The following RBBP8 variants were observed in gnomAD, a reference collection of about 807,000 sequenced individuals.
RBBP8 encodes DNA endonuclease RBBP8.
Under a neutral mutation model 108.3 loss-of-function variants are expected in RBBP8, and 88 were observed. The ratio of observed to expected loss-of-function variants is 0.81; its 90% CI spans 0.68 to 0.97. RBBP8 has a LOEUF of 0.97. RBBP8 is among the 50% of genes least tolerant of loss of function. The pLI, the probability that RBBP8 is intolerant of heterozygous loss-of-function variation, is 0.00. For missense variants in RBBP8, 1,023 were observed against 1,049.0 expected, an observed-to-expected ratio of 0.98 and a Z score of 0.34; for synonymous variants, 332 against 348.2, an observed-to-expected ratio of 0.95 and a Z score of 0.52.
chr18:23,022,217 C>G lies in RBBP8; in HGVS notation c.2543C>G (p.Pro848Arg). 6.2e-7 allele frequency: 1 copy of G among 1,612,688 alleles called. No individual in the cohort carries two copies. The highest frequency in any genetic ancestry group is 8.5e-7 in the Non-Finnish European group (1 of 1,178,728). Reference protein sequence around the residue: ...HRFRYIPPNTPENFWEVGFPS... With the variant: ...HRFRYIPPNTRENFWEVGFPS... ...TTCCGCTACATTCCACCCAACACAC[C>G]AGAGAATTTTTGGGAAGTTGGTTTT... Residue 848 changes from proline to arginine, a missense_variant, in exon 18 of 19, where the codon CCA becomes CGA. Coordinates refer to ENST00000327155, the MANE Select transcript of RBBP8 (RefSeq NM_002894.3).
chr18:22,930,572 C>T (rs1457980097), upstream of RBBP8, among the ~76,000 whole-genome samples: 1 of 152,000 alleles, frequency 6.6e-6, no homozygotes, highest in South Asian at 2.1e-4. Context: ...TGAGGATGCC[C>T]GCCATTTCCA....
chr18:22,949,791 A>G, intron 4 of RBBP8, 78 bp downstream of exon 4: 1 of 1,123,396 alleles, frequency 8.9e-7, no homozygotes, highest in Non-Finnish European at 1.4e-6. Context: ...ATTTGTAATT[A>G]GTTTTGGGAT....
At chr18:22,923,856 T>C (rs1202464741) in intron 3 of RBBP8, among the ~76,000 whole-genome samples, 1 of 152,212 alleles carries the variant, frequency 6.6e-6, no homozygotes, top group Non-Finnish European at 1.5e-5. Flanking sequence ...ATAACCATTG[T>C]TCTAATTCTA....
At position 22,927,902 on chromosome 18, in the gene RBBP8, T is replaced by TA. The variant is rs1189776313; in HGVS notation, c.-153-1469dup. Among the ~76,000 whole-genome samples the TA allele has an allele frequency of 7.4e-4, 83 of 112,802 alleles. 1 individual carries two copies. Among genetic ancestry groups the TA allele is most frequent in the Middle Eastern group, 6.3e-3 (1 of 158 alleles). The allele number at this position is 112,802 out of a possible 152,430, so 74.0% of individuals were successfully genotyped here. ...AGAGTGAGACTCTGTCTCAAAAAATTAAAAAAAAAAAAGCAGGAAAACAGG... is the reference window on the plus strand; with the variant it reads ...AGAGTGAGACTCTGTCTCAAAAAATTAAAAAAAAAAAAAGCAGGAAAACAGG... On this transcript the variant is annotated intron_variant, in intron 3 of 4. Coordinates refer to the RBBP8 transcript ENST00000577588.
chr18:22,962,192 A>T (rs1913162513), intron 4 of RBBP8, among the ~76,000 whole-genome samples: 1 of 151,864 alleles, frequency 6.6e-6, no homozygotes, highest in African/African-American at 2.4e-5. Context: ...AACTTTTCAG[A>T]TATTTAGACA....
chr18:22,928,757 C>T (rs1909887507), upstream of RBBP8, among the ~76,000 whole-genome samples: 1 of 151,978 alleles, frequency 6.6e-6, no homozygotes, highest in East Asian at 1.9e-4. Context: ...ACAACCTCCG[C>T]CTCCTGGGTT....
rs768053058 is a variant in RBBP8, at chr18:22,992,850, T to C, written c.1023T>C (p.Asp341=). The C allele has an allele frequency of 1.9e-6, 3 of 1,613,842 alleles. No individual in the cohort carries two copies. The South Asian group carries it at 3.3e-5, about 18-fold the overall frequency. Residue 341 remains aspartate, a synonymous_variant, in exon 11 of 19, where the codon GAT becomes GAC. Coordinates refer to ENST00000327155, the MANE Select transcript of RBBP8 (RefSeq NM_002894.3). ...CCTCTAGTATCAAAAGTGGTTTAGA[T>C]TTGAATACAAGTTTGTCCCCTTCTC... is the stretch of plus-strand genomic sequence containing the variant. The part of the protein sequence containing the change: ...GATSSIKSGL[D]LNTSLSPSLL...
chr18:22,945,290 G>A (rs1036755440), intron 2 of RBBP8, among the ~76,000 whole-genome samples: 2 of 151,798 alleles, frequency 1.3e-5, no homozygotes, highest in Admixed American at 6.6e-5. Flanking sequence ...AAAATAGAGG[G>A]CACAGCAATA....
In RBBP8 at chr18:23,003,322, C is replaced by T. The variant is rs569054240; in HGVS notation, c.2287+1593C>T. Among the ~76,000 whole-genome samples, 27 of 152,294 alleles carry T rather than the reference C, an allele frequency of 1.8e-4. 1 individual carries two copies. The highest frequency in any genetic ancestry group is 1.6e-3 in the Admixed American group (24 of 15,294). ...TACTTCCAACCAAATAATCTTCAAA[C>T]GTTTTTATTTTTCCCAGTCACCCAG... On this transcript the variant is annotated intron_variant, in intron 15 of 18. Transcript: ENST00000327155.
chr18:22,945,437 G>A (rs980455387), intron 2 of RBBP8, among the ~76,000 whole-genome samples: 1 of 151,522 alleles, frequency 6.6e-6, no homozygotes, highest in African/African-American at 2.4e-5. Flanking sequence ...GCCCACGCTG[G>A]AGTGCAATGG....
intron 12 of RBBP8, 122 bp from the exon 13 acceptor site, chr18:22,996,252 A>C: frequency 1.4e-6 from 2 of 1,461,172 alleles, no homozygotes; most frequent in Non-Finnish European, 9.1e-7. Context: ...TCTTAGATAT[A>C]AGTCCTTTAC....
intron 3 of RBBP8, among the ~76,000 whole-genome samples, chr18:22,927,249 GATAA>G (rs1409481262): frequency 2.0e-5 from 3 of 152,204 alleles, no homozygotes; most frequent in African/African-American, 7.2e-5. Flanking sequence ...GAGAGTTTTA[GATAA>G]ATAATCATAA....
At position 22,945,875 on chromosome 18, in the gene RBBP8, CA is replaced by C. The variant is rs1479018843; in HGVS notation, c.110-568del. On this transcript the variant is annotated intron_variant, in intron 2 of 18. Transcript: ENST00000327155. ...CCTGTTTTGTCCATATCCTTCCTTG[CA>C]GTTTCAATGCCTGTCAGTCTGCTTT... is the stretch of plus-strand genomic sequence containing the variant. 3.3e-5 allele frequency among the ~76,000 whole-genome samples: 5 copies of C among 152,264 alleles called. No homozygotes were observed. The South Asian group carries it at 1.0e-3, about 32-fold the overall frequency.
At position 22,997,571 on chromosome 18, in the gene RBBP8, C is replaced by T. The variant is rs1341004589; in HGVS notation, c.2029-49C>T. ...GTTTTGTAAAAATTAAATATAAGACCATAAAGGAATAATTGTTAAAATTTT... is the reference window on the plus strand; with the variant it reads ...GTTTTGTAAAAATTAAATATAAGACTATAAAGGAATAATTGTTAAAATTTT... On this transcript the variant is annotated intron_variant, in intron 13 of 18. Transcript: ENST00000327155. 18 of 1,112,544 alleles carry T rather than the reference C, an allele frequency of 1.6e-5. No homozygotes were observed. In the Admixed American group the frequency reaches 3.4e-4, roughly 21 times the overall value. The allele number at this position is 1,112,544 out of a possible 1,614,324, so 68.9% of individuals were successfully genotyped here.
chr18:22,935,113 A>G lies in RBBP8; in HGVS notation c.-99+1549A>G, dbSNP rs376360805. On this transcript the variant is annotated intron_variant, in intron 1 of 18. Coordinates refer to ENST00000327155, the MANE Select transcript of RBBP8 (RefSeq NM_002894.3). Reference sequence around the variant, plus strand: ...AGATAGAATAAAAACCTCTTTGGTAACAAAACTAATGCAGTGCACCTAATT... The same window carrying G: ...AGATAGAATAAAAACCTCTTTGGTAGCAAAACTAATGCAGTGCACCTAATT... Among the ~76,000 whole-genome samples, 20 of 151,492 alleles carry G rather than the reference A, an allele frequency of 1.3e-4. No homozygotes were observed. In the South Asian group the frequency reaches 3.5e-3, roughly 27 times the overall value.
chr18:22,975,331 T>C (rs764951291), intron 6 of RBBP8, 112 bp downstream of exon 6: 48 of 1,441,314 alleles, frequency 3.3e-5, no homozygotes, highest in Non-Finnish European at 4.3e-5. Context: ...GTTCTGTAGT[T>C]AAAAAATACA....
At chr18:22,916,265 C>T (rs1909351196) in intron 2 of RBBP8, among the ~76,000 whole-genome samples, 1 of 108,190 alleles carries the variant, frequency 9.2e-6, no homozygotes, top group African/African-American at 2.5e-5. Flanking sequence ...CAACTTCTTT[C>T]CCTCCTGAAT....
At chr18:22,928,412 G>A (rs986186669), upstream of RBBP8, among the ~76,000 whole-genome samples, 38 of 152,236 alleles carry the variant, frequency 2.5e-4, no homozygotes, top group African/African-American at 8.9e-4. Flanking sequence ...TAGGTTAGTC[G>A]CCTGAAAGAG....
chr18:22,933,842 C>T (rs1598629014), intron 1 of RBBP8: 2 of 152,078 alleles, frequency 1.3e-5, no homozygotes, highest in East Asian at 1.9e-4. Context: ...GACTGCGGCT[C>T]GCGCGCGCGC....
Sources: allele counts gnomAD v4.1 joint callset (sites outside exome capture counted in the v4.1 genomes callset), GRCh38; gene constraint gnomAD v4.1.1; transcripts MANE v1.5; gene names NCBI Gene and HGNC (gene_info 2026-07-23, HGNC 2026-07-21).